The following FBRSL1 variants were observed in gnomAD, a reference collection of about 807,000 sequenced individuals.
The protein encoded by FBRSL1 is fibrosin-1-like protein.
In FBRSL1, 51 loss-of-function variants were observed where a neutral mutation model predicts 89.6. The ratio of observed to expected loss-of-function variants is 0.57; its 90% confidence interval spans 0.45 to 0.72. The LOEUF is 0.72. FBRSL1 is among the 30% of genes least tolerant of loss of function. FBRSL1 has a pLI of 0.00. For missense variants in FBRSL1, 1,618 were observed against 1,451.8 expected (o/e 1.11, Z -1.86); for synonymous variants, 779 against 681.1 (o/e 1.14, Z -2.24).
At chr12:132,527,410 C>T (rs191459885) in intron 3 of FBRSL1, among the ~76,000 whole-genome samples, 78 of 152,334 alleles carry the variant, frequency 5.1e-4, no homozygotes, top group Non-Finnish European at 7.2e-4. Context: ...GCAGGGGAGC[C>T]TCAGACTGGC....
At chr12:132,490,982 A>C (rs2136282354) in intron 1 of FBRSL1, 121 bp downstream of exon 1, 2 of 791,030 alleles carry the variant, frequency 2.5e-6, no homozygotes, top group East Asian at 1.2e-4. Context: ...GCCCTGAGGG[A>C]AGCCCCGGCC....
chr12:132,521,340 A>G (rs1479222380), intron 2 of FBRSL1, among the ~76,000 whole-genome samples: 1 of 152,168 alleles, frequency 6.6e-6, no homozygotes, highest in Non-Finnish European at 1.5e-5. Context: ...CCTGTGCTCC[A>G]TTTCTGCAGG....
chr12:132,493,347 C>A (rs1440621311), intron 1 of FBRSL1, among the ~76,000 whole-genome samples: 3 of 152,248 alleles, frequency 2.0e-5, no homozygotes, highest in African/African-American at 4.8e-5. Flanking sequence ...GGAGGAAGCC[C>A]TTGTAACCCC....
intron 2 of FBRSL1, among the ~76,000 whole-genome samples, chr12:132,523,901 G>C (rs766460079): frequency 3.3e-5 from 5 of 152,220 alleles, no homozygotes; most frequent in Non-Finnish European, 7.3e-5. Flanking sequence ...GCCCCAGCAG[G>C]GCAGCAAGTG....
chr12:132,565,531 A>ACG (rs1190486455), intron 5 of FBRSL1: 69,088 of 151,502 alleles, frequency 0.46, 16,459 homozygotes, highest in East Asian at 0.84. Flanking sequence ...GAGTGTGCTC[A>ACG]TGTACACGTA....
At chr12:132,575,881 C>A (rs1427855429) in intron 14 of FBRSL1, among the ~76,000 whole-genome samples, 3 of 152,230 alleles carry the variant, frequency 2.0e-5, no homozygotes, top group Non-Finnish European at 4.4e-5. Context: ...GGGTCAGAGG[C>A]AGGACAGGCA....
In FBRSL1 at chr12:132,543,537, A is replaced by G. The variant is rs113206073; in HGVS notation, c.616-4466A>G. Among the ~76,000 whole-genome samples the G allele has an allele frequency of 2.2e-3, 329 of 152,344 alleles. 2 individuals carry two copies. The highest frequency in any genetic ancestry group is 7.6e-3 in the African/African-American group (318 of 41,580). On this transcript the variant is annotated intron_variant, in intron 4 of 18. Transcript: ENST00000680143. ...TTCCTGTTCTCAGCAGGAAGCAGCC[A>G]TCGGTGCTCATGAGAAGTCTCCAGG...
At chr12:132,507,784 C>T (rs1284098905) in intron 1 of FBRSL1, among the ~76,000 whole-genome samples, 1 of 152,076 alleles carries the variant, frequency 6.6e-6, no homozygotes, top group Non-Finnish European at 1.5e-5. Context: ...GGTCCCTGGC[C>T]CCCACTGCAG....
At chr12:132,538,334 A>G (rs1248705940) in intron 4 of FBRSL1, among the ~76,000 whole-genome samples, 1 of 152,206 alleles carries the variant, frequency 6.6e-6, no homozygotes, top group East Asian at 1.9e-4. Context: ...GGCCAGAGGC[A>G]GGGGTGCCAG....
intron 1 of FBRSL1, among the ~76,000 whole-genome samples, chr12:132,500,976 C>T (rs1482501892): frequency 6.6e-6 from 1 of 152,266 alleles, no homozygotes; most frequent in South Asian, 2.1e-4. Flanking sequence ...CACACCCTGT[C>T]CTGTGGCCGG....
At chr12:132,580,776 G>C (rs548124985) in intron 15 of FBRSL1, 17 of 985,294 alleles carry the variant, frequency 1.7e-5, no homozygotes, top group Middle Eastern at 5.2e-4. Flanking sequence ...TAAAGATGAC[G>C]CCCTGCTGGT....
Position 132,582,087 on chromosome 12 carries a change from C to A in FBRSL1, c.2022C>A (p.Pro674=). 1 of 1,548,636 alleles carries A rather than the reference C, an allele frequency of 6.5e-7. No homozygotes were observed. Among genetic ancestry groups the A allele is most frequent in the South Asian group, 1.2e-5 (1 of 83,956 alleles). The change falls in exon 18 of 19, where the codon CCC becomes CCA. Residue 674 remains proline, a synonymous_variant. Coordinates refer to ENST00000680143, the MANE Select transcript of FBRSL1 (RefSeq NM_001367871.1). ...ALAPGGSIFA[P]KEGSSVHGLP... ...CTCCCGGTGGCAGCATCTTTGCCCC[C>A]AAGGAGGGCTCCTCCGTGCACGGCC...
intron 15 of FBRSL1, 74 bp downstream of exon 15, chr12:132,577,005 G>GC (rs1056952202): frequency 1.3e-6 from 2 of 1,500,902 alleles, no homozygotes; most frequent in African/African-American, 2.8e-5. Flanking sequence ...GCCTTCCTGT[G>GC]CCAGGAGTGA....
chr12:132,570,509 C>T lies in FBRSL1; in HGVS notation c.1182C>T (p.Ala394=). 6.6e-7 allele frequency: 1 copy of T among 1,526,084 alleles called. No homozygotes were observed. The highest frequency in any genetic ancestry group is 8.8e-7 in the Non-Finnish European group (1 of 1,141,942). The allele number at this position is 1,526,084 out of a possible 1,614,324, so 94.5% of individuals were successfully genotyped here. A position where few individuals can be genotyped will look rare whatever the true frequency, so the allele number is the denominator to read the frequency against. The change falls in exon 8 of 19, where the codon GCC becomes GCT. Residue 394 remains alanine, a synonymous_variant. Transcript: ENST00000680143. ...TGCCCCCGCCCCCGGCGCTGCCGGC[C>T]AGCAGCCTGGTCCTCCCAGGACACC... ...PTLPPPPALP[A]SSLVLPGHPA... is the part of the protein sequence containing the mutation.
At chr12:132,574,060 C>A in intron 11 of FBRSL1, 30 bp from the exon 12 acceptor site, 1 of 1,239,394 alleles carries the variant, frequency 8.1e-7, no homozygotes, top group Non-Finnish European at 1.0e-6. Context: ...CGGCCCCAGG[C>A]GCACACAAGC....
In FBRSL1 at chr12:132,550,269, C is replaced by T. The variant is rs559058263; in HGVS notation, c.645+2237C>T. 8.5e-5 allele frequency among the ~76,000 whole-genome samples: 8 copies of T among 94,582 alleles called. No individual in the cohort carries two copies. The East Asian group carries it at 2.0e-3, about 24-fold the overall frequency. The allele number at this position is 94,582 out of a possible 152,430, so 62.0% of individuals were successfully genotyped here. A position where few individuals can be genotyped will look rare whatever the true frequency, so the allele number is the denominator to read the frequency against. On this transcript the variant is annotated intron_variant, in intron 5 of 18. Coordinates refer to ENST00000680143, the MANE Select transcript of FBRSL1 (RefSeq NM_001367871.1). ...AGGGGCTGCCAGCCTTTCTCCAGGG[C>T]AGAACTTCGGGTCACGCCCACTCTG...
chr12:132,543,781 T>C (rs1433140529), intron 4 of FBRSL1, among the ~76,000 whole-genome samples: 2 of 151,738 alleles, frequency 1.3e-5, no homozygotes, highest in Admixed American at 1.3e-4. Flanking sequence ...GCCCCTGGGG[T>C]GGTTGGGGAA....
At position 132,570,403 on chromosome 12, in the gene FBRSL1, A is replaced by C. The variant is rs1222503827; in HGVS notation, c.1076A>C (p.His359Pro). 1.3e-6 allele frequency: 2 copies of C among 1,534,188 alleles called. No individual in the cohort carries two copies. Among genetic ancestry groups the C allele is most frequent in the Non-Finnish European group, 1.7e-6 (2 of 1,145,582 alleles). Reference sequence around the variant, plus strand: ...CTGTCGCCACACGGGCCGGGCCCCCACCTGTCTACCTCACACCTGGCGCTC... The same window carrying C: ...CTGTCGCCACACGGGCCGGGCCCCCCCCTGTCTACCTCACACCTGGCGCTC... ...VSLSPHGPGP[H>P]LSTSHLALRS... Residue 359 changes from histidine (H) to proline (P), a missense_variant, in exon 8 of 19, where the codon CAC (histidine) becomes CCC (proline). Transcript: ENST00000680143.
At chr12:132,529,584 TC>T (rs1322304647) in intron 4 of FBRSL1, among the ~76,000 whole-genome samples, 4 of 151,358 alleles carry the variant, frequency 2.6e-5, no homozygotes, top group African/African-American at 9.7e-5. Context: ...CACCCTGGGC[TC>T]TTCTCTGCCA....
Sources: allele counts gnomAD v4.1 joint callset (sites outside exome capture counted in the v4.1 genomes callset), GRCh38; gene constraint gnomAD v4.1.1; transcripts MANE v1.5; gene names NCBI Gene and HGNC (gene_info 2026-07-23, HGNC 2026-07-21).